Variants in ATOH8 observed in about 807,000 individuals in gnomAD.
ATOH8 encodes transcription factor ATOH8.
ATOH8 carries 9 observed loss-of-function variants against 21.2 expected under a neutral mutation model. The observed-to-expected ratio is 0.42, with a 90% CI of 0.26 to 0.74. The LOEUF (loss-of-function observed/expected upper bound fraction) is 0.74. Ranked by LOEUF, ATOH8 falls within the 30% of genes least tolerant of loss-of-function variation. The pLI is 0.24. For missense variants in ATOH8, 524 were observed against 470.9 expected, an observed-to-expected ratio of 1.11 and a Z score of -1.04; for synonymous variants, 253 against 224.0, an observed-to-expected ratio of 1.13 and a Z score of -1.16.
chr2:85,756,667 G>A (rs1468799543), intron 1 of ATOH8, among the ~76,000 whole-genome samples: 4 of 152,258 alleles, frequency 2.6e-5, no homozygotes, highest in African/African-American at 4.8e-5. Context: ...AATCCCTGTC[G>A]AAATTGGATT....
chr2:85,782,047 C>T (rs964633591), intron 2 of ATOH8, among the ~76,000 whole-genome samples: 2 of 152,114 alleles, frequency 1.3e-5, no homozygotes, highest in Non-Finnish European at 2.9e-5. Flanking sequence ...ATTTCTAGCC[C>T]ACATACTGGT....
Position 85,754,704 on chromosome 2 carries a change from C to A in ATOH8, c.515C>A (p.Pro172Gln), listed in dbSNP as rs1256877065. The change falls in exon 1 of 3, where the codon CCA (proline) becomes CAA (glutamine). Residue 172 changes from proline (P) to glutamine (Q), a missense_variant. Coordinates refer to ENST00000306279, the MANE Select transcript of ATOH8 (RefSeq NM_032827.7). ...RPAPSAPPAP[P>Q]APPESTVRPA... ...GCGCCGTCAGCACCCCCAGCACCGC[C>A]AGCGCCCCCGGAGTCCACTGTGCGC... is the stretch of plus-strand genomic sequence containing the variant. 6.2e-7 allele frequency: 1 copy of A among 1,609,018 alleles called. No homozygotes were observed. The highest frequency in any genetic ancestry group is 1.7e-5 in the Admixed American group (1 of 59,734).
chr2:85,756,894 C>T (rs575905623), intron 1 of ATOH8, among the ~76,000 whole-genome samples: 23 of 152,310 alleles, frequency 1.5e-4, no homozygotes, highest in African/African-American at 5.1e-4. Context: ...CTTGGCAGAC[C>T]CTTTGAGATG....
At chr2:85,776,309 C>T (rs1163415541) in intron 2 of ATOH8, among the ~76,000 whole-genome samples, 1 of 152,256 alleles carries the variant, frequency 6.6e-6, no homozygotes, top group East Asian at 1.9e-4. Flanking sequence ...TGGTCTGAGT[C>T]TCAGCTCAAC....
chr2:85,786,868 C>T lies in ATOH8; in HGVS notation c.961-17C>T. 1 of 1,614,024 alleles carries T rather than the reference C, an allele frequency of 6.2e-7. No homozygotes were observed. The highest frequency in any genetic ancestry group is 1.7e-5 in the Admixed American group (1 of 60,004). The stretch of plus-strand genomic sequence containing the variant: ...GTGGAGCAGGGGCAGCTTTTAATGG[C>T]TGGTCATGTCTTTCAGGAGTGACTG... On this transcript the variant is annotated splice_polypyrimidine_tract_variant and intron_variant, in intron 2 of 2. Coordinates refer to ENST00000306279, the MANE Select transcript of ATOH8 (RefSeq NM_032827.7).
rs1427911468 is a variant in ATOH8 at position 85,791,120 on chromosome 2, G to A, written c.*4230G>A. ...GCCCCCAGGTTTTGCCCTCCCACAT[G>A]TCTCCCTTCTGGTGACCCGGACCCC... is the stretch of plus-strand genomic sequence containing the variant. On this transcript the variant is annotated 3_prime_UTR_variant, in exon 3 of 3. Transcript: ENST00000306279. Among the ~76,000 whole-genome samples, 4 of 152,124 alleles carry A rather than the reference G, an allele frequency of 2.6e-5. No individual in the cohort carries two copies. Among genetic ancestry groups the A allele is most frequent in the Non-Finnish European group, 2.9e-5 (2 of 68,016 alleles).
At chr2:85,782,864 T>C (rs2104535753) in intron 2 of ATOH8, among the ~76,000 whole-genome samples, 1 of 152,256 alleles carries the variant, frequency 6.6e-6, no homozygotes. Context: ...CCCAGCTAAT[T>C]TTTGTATTTT....
intron 2 of ATOH8, among the ~76,000 whole-genome samples, chr2:85,771,625 C>T (rs1485261046): frequency 6.6e-6 from 1 of 152,182 alleles, no homozygotes; most frequent in Non-Finnish European, 1.5e-5. Context: ...TAGGGTGCAG[C>T]CTGCAGCCCA....
chr2:85,786,761 T>C (rs982343040), intron 2 of ATOH8, 124 bp from the exon 3 acceptor site: 1 of 1,290,866 alleles, frequency 7.7e-7, no homozygotes, highest in African/African-American at 1.5e-5. Context: ...CTTCCACTTA[T>C]CGAACCCTTC....
At chr2:85,784,890 A>C (rs1680584638) in intron 2 of ATOH8, among the ~76,000 whole-genome samples, 1 of 152,202 alleles carries the variant, frequency 6.6e-6, no homozygotes, top group African/African-American at 2.4e-5. Context: ...TTGTCATAAG[A>C]CTTCCTTGGA....
chr2:85,757,985 C>T (rs565539615), intron 1 of ATOH8, among the ~76,000 whole-genome samples: 3 of 152,042 alleles, frequency 2.0e-5, no homozygotes, highest in Admixed American at 6.5e-5. Context: ...GGGGGTTTCA[C>T]CATGTTGCCC....
intron 2 of ATOH8, chr2:85,780,585 CA>C (rs982138255): frequency 6.6e-6 from 1 of 152,528 alleles, no homozygotes; most frequent in African/African-American, 2.4e-5. Context: ...GAATCCACAG[CA>C]GCAGCCAGCA....
In ATOH8 at chr2:85,789,646, T is replaced by C. The variant is rs1680713624; in HGVS notation, c.*2756T>C. Among the ~76,000 whole-genome samples, 1 of 152,218 alleles carries C rather than the reference T, an allele frequency of 6.6e-6. No homozygotes were observed. The highest frequency in any genetic ancestry group is 1.5e-5 in the Non-Finnish European group (1 of 68,040). ...ATTGATATGAAGTATTGATGCCCAA[T>C]TTCATCTCCAGAAATTCTGATGTAT... On this transcript the variant is annotated 3_prime_UTR_variant, in exon 3 of 3. Transcript: ENST00000306279.
chr2:85,790,279 TG>T lies in ATOH8; in HGVS notation c.*3392del, dbSNP rs1680734911. Among the ~76,000 whole-genome samples, 2 of 152,216 alleles carry T rather than the reference TG, an allele frequency of 1.3e-5. No individual in the cohort carries two copies. The highest frequency in any genetic ancestry group is 4.1e-4 in the South Asian group (2 of 4,828). ...TCTCCAGGGACCCGCAAGATCTTCC[TG>T]GGTATGTCTGCATGAAGCCCCACGT... On this transcript the variant is annotated 3_prime_UTR_variant, in exon 3 of 3. Coordinates refer to ENST00000306279, the MANE Select transcript of ATOH8 (RefSeq NM_032827.7).
In ATOH8 at chr2:85,786,270, C is replaced by T. The variant is rs116914149; in HGVS notation, c.961-615C>T. Reference sequence around the variant, plus strand: ...ACTCCACTGCAATCAAATAGACAGACACATGTTTTCTGTGTTAGTGTTCCA... The same window carrying T: ...ACTCCACTGCAATCAAATAGACAGATACATGTTTTCTGTGTTAGTGTTCCA... On this transcript the variant is annotated intron_variant, in intron 2 of 2. Transcript: ENST00000306279. 4.4e-4 allele frequency among the ~76,000 whole-genome samples: 67 copies of T among 152,324 alleles called. 2 individuals carry two copies. In the East Asian group the frequency reaches 0.013, roughly 29 times the overall value.
In ATOH8 at chr2:85,778,007, C is replaced by T. The variant is rs116537181; in HGVS notation, c.961-8878C>T. On this transcript the variant is annotated intron_variant, in intron 2 of 2. Transcript: ENST00000306279. ...TAAATGGGGTGGCTGGGGACCCTTC[C>T]TACCCCACCCCGATGGAGTCTCTGT... Among the ~76,000 whole-genome samples the T allele has an allele frequency of 7.9e-3, 1,200 of 152,356 alleles. 16 individuals are homozygous for T. The highest frequency in any genetic ancestry group is 0.027 in the African/African-American group (1,141 of 41,580).
intron 2 of ATOH8, among the ~76,000 whole-genome samples, chr2:85,780,131 C>T (rs893450577): frequency 2.0e-5 from 3 of 152,268 alleles, no homozygotes; most frequent in East Asian, 3.9e-4. Context: ...GCAGCAAGGA[C>T]TCCAACTGGC....
chr2:85,759,049 C>T (rs1026228547), intron 1 of ATOH8, among the ~76,000 whole-genome samples: 5 of 152,218 alleles, frequency 3.3e-5, no homozygotes, highest in African/African-American at 1.2e-4. Flanking sequence ...CGGCTTCTGC[C>T]GTGGTCCTCT....
Position 85,769,800 on chromosome 2 carries a change from C to T in ATOH8, c.960+5618C>T, listed in dbSNP as rs112890463. 5.3e-3 allele frequency among the ~76,000 whole-genome samples: 808 copies of T among 152,208 alleles called. 8 individuals are homozygous for T. Among genetic ancestry groups the T allele is most frequent in the African/African-American group, 0.018 (753 of 41,532 alleles). On this transcript the variant is annotated intron_variant, in intron 2 of 2. Transcript: ENST00000306279. The stretch of plus-strand genomic sequence containing the variant: ...CTGTGGGAGGCGGAGTCTCCAGAGC[C>T]GCACCCTGCCTGGATTCAGTTCCAC...
Sources: gnomAD v4.1 joint callset for allele counts (sites outside exome capture counted in the v4.1 genomes callset) on GRCh38, gnomAD v4.1.1 for gene constraint, MANE v1.5 for transcripts, NCBI Gene and HGNC (gene_info 2026-07-23, HGNC 2026-07-21) for gene names.